RARB: variants seen among roughly 807,000 people sequenced by gnomAD.
RARB encodes the protein HBV-activated protein.
Under a neutral mutation model 51.9 loss-of-function variants are expected in RARB, and 17 were observed. The ratio of observed to expected loss-of-function variants is 0.33; its 90% CI spans 0.22 to 0.49. The LOEUF is 0.49. Among genes scored for constraint, RARB ranks in the 20% least tolerant of loss-of-function variants. The pLI is 0.99. For missense variants in RARB, 369 were observed against 550.8 expected (o/e 0.67, Z 3.30); for synonymous variants, 215 against 195.4 (o/e 1.10, Z -0.84).
chr3:25,238,762 C>T (rs1056224866), intron 5 of RARB, among the ~76,000 whole-genome samples: 6 of 152,084 alleles, frequency 3.9e-5, no homozygotes, highest in East Asian at 3.9e-4. Context: ...GCAGGTGGAT[C>T]ACGAGGTCAG....
At chr3:25,124,026 C>T (rs1699824998) in intron 3 of RARB, among the ~76,000 whole-genome samples, 1 of 152,096 alleles carries the variant, frequency 6.6e-6, no homozygotes, top group Non-Finnish European at 1.5e-5. Flanking sequence ...ACTATGTTAC[C>T]AGTATTATGT....
intron 2 of RARB, among the ~76,000 whole-genome samples, chr3:24,949,620 T>C (rs143654825): frequency 6.8e-4 from 104 of 152,360 alleles, no homozygotes; most frequent in East Asian, 4.8e-3. Context: ...TTGATTGTAT[T>C]GAAAACAAAA....
At chr3:24,977,829 G>A (rs1296910251) in intron 2 of RARB, among the ~76,000 whole-genome samples, 2 of 152,142 alleles carry the variant, frequency 1.3e-5, no homozygotes, top group Non-Finnish European at 2.9e-5. Flanking sequence ...CTTGTCTTGT[G>A]CCAGTTTTCA....
intron 3 of RARB, among the ~76,000 whole-genome samples, chr3:25,534,023 A>G (rs1036653908): frequency 9.9e-5 from 15 of 152,218 alleles, no homozygotes; most frequent in African/African-American, 2.9e-4. Flanking sequence ...GCAATTTAAG[A>G]AATGCTTTTA....
intron 2 of RARB, among the ~76,000 whole-genome samples, chr3:24,869,700 G>C (rs926335454): frequency 1.3e-5 from 2 of 151,910 alleles, no homozygotes; most frequent in African/African-American, 4.8e-5. Context: ...TCTTTTGTTA[G>C]ACCTTAAAAT....
At chr3:25,060,187 A>G (rs910149329) in intron 3 of RARB, 6 of 151,694 alleles carry the variant, frequency 4.0e-5, no homozygotes, top group Non-Finnish European at 7.4e-5. Context: ...GTAAGTAATG[A>G]AAGAAAAAGT....
chr3:25,066,345 G>T (rs1316706965), intron 3 of RARB, among the ~76,000 whole-genome samples: 5 of 152,204 alleles, frequency 3.3e-5, no homozygotes, highest in Non-Finnish European at 5.9e-5. Context: ...AAATTCAGGA[G>T]AGCATGTGTT....
At chr3:25,100,103 T>G (rs968079754) in intron 3 of RARB, among the ~76,000 whole-genome samples, 1 of 152,180 alleles carries the variant, frequency 6.6e-6, no homozygotes, top group African/African-American at 2.4e-5. Flanking sequence ...CATTCATTCA[T>G]CCCTGGATTG....
Position 24,841,103 on chromosome 3 carries a change from G to A in RARB, c.-459+11700G>A, listed in dbSNP as rs866333589. Among the ~76,000 whole-genome samples the A allele has an allele frequency of 5.9e-5, 9 of 152,308 alleles. No homozygotes were observed. The South Asian group carries it at 1.2e-3, about 21-fold the overall frequency. ...TTTTTGGCTGTAGATAAGTGTCCAGGAGATGCTGTAAAACACAAAAACCAT... is the reference window on the plus strand; with the variant it reads ...TTTTTGGCTGTAGATAAGTGTCCAGAAGATGCTGTAAAACACAAAAACCAT... On this transcript the variant is annotated intron_variant, in intron 1 of 11. Coordinates refer to the RARB transcript ENST00000383772.
intron 2 of RARB, among the ~76,000 whole-genome samples, chr3:25,036,694 G>C (rs1284811082): frequency 6.6e-6 from 1 of 152,126 alleles, no homozygotes; most frequent in Non-Finnish European, 1.5e-5. Flanking sequence ...AACAATCTGA[G>C]TTATCTTTGT....
chr3:25,204,582 G>A (rs928627280), intron 5 of RARB, among the ~76,000 whole-genome samples: 6 of 152,086 alleles, frequency 3.9e-5, no homozygotes, highest in African/African-American at 1.4e-4. Context: ...TTTGATGATG[G>A]TGATGTACAG....
At chr3:25,200,245 T>A (rs2125370007) in intron 5 of RARB, among the ~76,000 whole-genome samples, 1 of 152,286 alleles carries the variant, frequency 6.6e-6, no homozygotes, top group South Asian at 2.1e-4. Flanking sequence ...AAATGTCTTC[T>A]TTTGAGAACT....
At chr3:24,896,212 G>A (rs1483260402) in intron 2 of RARB, among the ~76,000 whole-genome samples, 1 of 152,156 alleles carries the variant, frequency 6.6e-6, no homozygotes, top group Non-Finnish European at 1.5e-5. Flanking sequence ...GGAGGAAGGG[G>A]AGAAAGGGGA....
intron 3 of RARB, among the ~76,000 whole-genome samples, chr3:25,566,321 A>G (rs904772917): frequency 1.3e-5 from 2 of 152,186 alleles, no homozygotes; most frequent in African/African-American, 4.8e-5. Flanking sequence ...TGGGTGTGGA[A>G]GAATTTGTGA....
In RARB at chr3:24,944,647, T is replaced by G. The variant is rs997800585; in HGVS notation, c.-380+85895T>G. Reference sequence around the variant, plus strand: ...TTAGACACTTAGGTGCCAAGTTGATTATCCTCAAATTTGGGTCTCTATATA... The same window carrying G: ...TTAGACACTTAGGTGCCAAGTTGATGATCCTCAAATTTGGGTCTCTATATA... On this transcript the variant is annotated intron_variant, in intron 2 of 11. Transcript: ENST00000383772. 4.6e-5 allele frequency among the ~76,000 whole-genome samples: 7 copies of G among 152,342 alleles called. No individual in the cohort carries two copies. In the South Asian group the frequency reaches 1.0e-3, roughly 23 times the overall value.
At chr3:24,912,446 G>A (rs1448941003) in intron 2 of RARB, among the ~76,000 whole-genome samples, 2 of 151,936 alleles carry the variant, frequency 1.3e-5, no homozygotes, top group African/African-American at 2.4e-5. Flanking sequence ...ATTATTATTC[G>A]GTGTCCTCAA....
At chr3:25,542,963 A>C (rs895085368) in intron 3 of RARB, among the ~76,000 whole-genome samples, 6 of 152,182 alleles carry the variant, frequency 3.9e-5, no homozygotes, top group Non-Finnish European at 8.8e-5. Flanking sequence ...CTGTGCTCTT[A>C]AGCACTCACA....
rs151080525 is a variant in RARB at position 25,570,603 on chromosome 3, TAGG to T, written c.609+689_609+691del. ...GAAAAAGAGAAGTGAGATAAAAAGG[TAGG>T]AGGTGTATGTTGGCTGGTCTAGGTT... On this transcript the variant is annotated intron_variant, in intron 4 of 7. Coordinates refer to ENST00000330688, the MANE Select transcript of RARB (RefSeq NM_000965.5). Among the ~76,000 whole-genome samples the T allele has an allele frequency of 9.9e-5, 15 of 152,120 alleles. No homozygotes were observed. In the East Asian group the frequency reaches 2.1e-3, roughly 22 times the overall value.
intron 4 of RARB, among the ~76,000 whole-genome samples, chr3:25,149,698 C>T (rs778427266): frequency 2.0e-5 from 3 of 152,202 alleles, no homozygotes; most frequent in Non-Finnish European, 4.4e-5. Flanking sequence ...GAATTAGATG[C>T]ATGTATAACG....
Sources: gnomAD v4.1 joint callset for allele counts (sites outside exome capture counted in the v4.1 genomes callset) on GRCh38, gnomAD v4.1.1 for gene constraint, MANE v1.5 for transcripts, NCBI Gene and HGNC (gene_info 2026-07-23, HGNC 2026-07-21) for gene names.